Variants in MRNIP observed in about 807,000 individuals in gnomAD.
MRNIP encodes MRN complex-interacting protein.
A neutral mutation model predicts 29.8 loss-of-function variants in MRNIP; 30 were observed. The observed-to-expected ratio is 1.01, with a 90% CI of 0.75 to 1.36. The LOEUF (loss-of-function observed/expected upper bound fraction) is 1.36, where lower values mean the gene tolerates loss of function less well. Ranked by LOEUF, MRNIP falls within the 40% of genes most tolerant of loss-of-function variation. The pLI, the probability that MRNIP is intolerant of heterozygous loss-of-function variation, is 0.00. For synonymous variants in MRNIP, 201 were observed against 164.1 expected (o/e 1.23, Z -1.72); for missense variants, 459 against 423.5 (o/e 1.08, Z -0.74).
chr5:179,853,054 C>T (rs1341457720), intron 2 of MRNIP: 7 of 453,916 alleles, frequency 1.5e-5, no homozygotes, highest in Non-Finnish European at 2.8e-5. Flanking sequence ...TGCATGTGTG[C>T]ATTAGTTTCT....
At chr5:179,841,295 C>A in intron 5 of MRNIP, 1 of 304,942 alleles carries the variant, frequency 3.3e-6, no homozygotes, top group Non-Finnish European at 6.1e-6. Flanking sequence ...CCACCATGCC[C>A]CATGAATTTG....
chr5:179,845,686 G>C (rs1398898722), intron 3 of MRNIP: 4 of 151,310 alleles, frequency 2.6e-5, no homozygotes, highest in African/African-American at 9.7e-5. Context: ...AGTAAAGACA[G>C]GGTTTCACCA....
At chr5:179,841,197 G>A in intron 5 of MRNIP, 2 of 535,350 alleles carry the variant, frequency 3.7e-6, no homozygotes, top group Non-Finnish European at 6.7e-6. Context: ...CCAGGCTGGA[G>A]TGCAATGGCT....
intron 1 of MRNIP, among the ~76,000 whole-genome samples, chr5:179,854,269 C>T (rs1345409699): frequency 6.6e-6 from 1 of 152,132 alleles, no homozygotes; most frequent in Non-Finnish European, 1.5e-5. Context: ...ATCCACCCGC[C>T]TCGGCCTCCC....
intron 6 of MRNIP, chr5:179,840,346 C>T (rs1758825468): frequency 6.4e-6 from 1 of 155,370 alleles, no homozygotes; most frequent in Admixed American, 6.5e-5. Flanking sequence ...GAGGTTGAGG[C>T]TTCAGTAGGC....
chr5:179,854,241 C>T (rs1759493357), intron 1 of MRNIP, among the ~76,000 whole-genome samples: 1 of 149,942 alleles, frequency 6.7e-6, no homozygotes, highest in East Asian at 2.0e-4. Context: ...AGGATGGTCT[C>T]GATCTCCTGA....
rs759375479 is a variant in MRNIP at position 179,837,388 on chromosome 5, A to G, written c.*3T>C. 2.1e-5 allele frequency: 34 copies of G among 1,587,314 alleles called. No homozygotes were observed. The highest frequency in any genetic ancestry group is 1.0e-4 in the South Asian group (9 of 87,638). On this transcript the variant is annotated 3_prime_UTR_variant, in exon 7 of 7. Coordinates refer to ENST00000292586, the MANE Select transcript of MRNIP (RefSeq NM_016175.4). The stretch of plus-strand genomic sequence containing the variant: ...TCTCGATTAATAACCTGCCAGTCCC[A>G]GATCACACATCATCATCGAAGTCTT...
At position 179,840,892 on chromosome 5, in the gene MRNIP, C is replaced by T. The variant is rs776352280; in HGVS notation, c.517G>A (p.Val173Ile). Residue 173 changes from valine (V) to isoleucine (I), a missense_variant, in exon 6 of 7, where the codon GTC becomes ATC. By Grantham distance (29) the Val-to-Ile change is conservative. Coordinates refer to ENST00000292586, the MANE Select transcript of MRNIP (RefSeq NM_016175.4). ...CTGACCTTCTGGGGTCCCCAGGCGACCTCAGAGCCACCCGAGTCCTGCACG... is the reference window on the plus strand; with the variant it reads ...CTGACCTTCTGGGGTCCCCAGGCGATCTCAGAGCCACCCGAGTCCTGCACG... ...RGVQDSGGSE[V>I]AWGPQKGQAG... 1.7e-5 allele frequency: 28 copies of T among 1,611,690 alleles called. No homozygotes were observed. The highest frequency in any genetic ancestry group is 5.3e-5 in the African/African-American group (4 of 74,916).
chr5:179,846,577 G>A (rs752889321), intron 3 of MRNIP, among the ~76,000 whole-genome samples: 22 of 152,146 alleles, frequency 1.4e-4, no homozygotes, highest in East Asian at 3.9e-4. Flanking sequence ...CACCACACCC[G>A]GCCTCTGTGG....
At chr5:179,850,678 G>T (rs1317658898) in intron 2 of MRNIP, among the ~76,000 whole-genome samples, 3 of 152,224 alleles carry the variant, frequency 2.0e-5, no homozygotes, top group African/African-American at 7.2e-5. Context: ...AGGGGGAAAT[G>T]GCAAAGACCA....
At chr5:179,839,382 C>G (rs1253546763) in intron 6 of MRNIP, 2 of 152,240 alleles carry the variant, frequency 1.3e-5, no homozygotes, top group African/African-American at 4.8e-5. Flanking sequence ...GGCCCTGAAA[C>G]TTGACGTTGG....
At position 179,842,087 on chromosome 5, in the gene MRNIP, G is replaced by C. The variant is rs746558817; in HGVS notation, c.292-23C>G. 9.3e-6 allele frequency: 15 copies of C among 1,611,986 alleles called. No homozygotes were observed. The South Asian group carries it at 1.3e-4, about 14-fold the overall frequency. ...TTCCTGCCAGATTGAGAAAAAAGTT[G>C]ATTCTCAGTACTGGAAACCAGGCAG... On this transcript the variant is annotated intron_variant, in intron 4 of 6. Transcript: ENST00000292586.
chr5:179,842,579 A>G (rs1758930318), intron 4 of MRNIP, among the ~76,000 whole-genome samples: 2 of 150,960 alleles, frequency 1.3e-5, no homozygotes, highest in Admixed American at 1.3e-4. Context: ...AGGCACCTGT[A>G]GTCCCAGCTA....
chr5:179,838,690 G>A (rs971629218), intron 6 of MRNIP: 1 of 151,836 alleles, frequency 6.6e-6, no homozygotes, highest in Non-Finnish European at 1.5e-5. Context: ...AAAGAAAGTT[G>A]GGTTGTAGGC....
Position 179,837,285 on chromosome 5 carries a change from G to A in MRNIP, c.*106C>T, listed in dbSNP as rs900465425. ...TTTGCATAGAGAGAAATGATTGACA[G>A]TAAGTTTATTGTTAATGGTTCTTAC... On this transcript the variant is annotated 3_prime_UTR_variant, in exon 7 of 7. Transcript: ENST00000292586. The A allele has an allele frequency of 6.2e-7, 1 of 1,607,376 alleles. No individual in the cohort carries two copies. Among genetic ancestry groups the A allele is most frequent in the Non-Finnish European group, 8.5e-7 (1 of 1,178,136 alleles).
intron 4 of MRNIP, among the ~76,000 whole-genome samples, chr5:179,843,075 G>A (rs773935975): frequency 6.2e-5 from 8 of 129,812 alleles, no homozygotes; most frequent in East Asian, 2.6e-4. Context: ...GGGAGGGAGG[G>A]AGGGAGGCAG....
chr5:179,838,395 G>A, intron 6 of MRNIP: 1 of 168,722 alleles, frequency 5.9e-6, no homozygotes, highest in Non-Finnish European at 1.3e-5. Context: ...TTGGGTGTCG[G>A]CCGGGCGCAG....
intron 4 of MRNIP, among the ~76,000 whole-genome samples, chr5:179,843,049 G>A (rs55821304): frequency 0.032 from 3,489 of 108,914 alleles, 85 homozygotes; most frequent in African/African-American, 0.071. Context: ...AAAGAAGGAA[G>A]GAAGGAAGGA....
Position 179,840,927 on chromosome 5 carries a change from C to T in MRNIP, c.482G>A (p.Cys161Tyr). The T allele has an allele frequency of 6.2e-7, 1 of 1,611,150 alleles. No individual in the cohort carries two copies. Among genetic ancestry groups the T allele is most frequent in the Non-Finnish European group, 8.5e-7 (1 of 1,178,964 alleles). ...KWSRSTVQPP[C>Y]SRGVQDSGGS... The stretch of plus-strand genomic sequence containing the variant: ...ACCCGAGTCCTGCACGCCACGGCTG[C>T]ACGGAGGCTGGACGGTGCTCCTGCT... The change falls in exon 6 of 7, where the codon TGC becomes TAC. Residue 161 changes from cysteine to tyrosine, a missense_variant. By Grantham distance (194) the Cys-to-Tyr change is radical. Coordinates refer to ENST00000292586, the MANE Select transcript of MRNIP (RefSeq NM_016175.4).
Sources: allele counts gnomAD v4.1 joint callset (sites outside exome capture counted in the v4.1 genomes callset), GRCh38; gene constraint gnomAD v4.1.1; transcripts MANE v1.5; gene names NCBI Gene and HGNC (gene_info 2026-07-23, HGNC 2026-07-21).